The following ANKRD18A variants were observed in gnomAD, a reference collection of about 807,000 sequenced individuals.
ANKRD18A encodes the protein ankyrin repeat domain 18A, also known as ankyrin repeat domain-containing protein 18A.
In ANKRD18A, 72 loss-of-function variants were observed where a neutral mutation model predicts 110.6. The ratio of observed to expected loss-of-function variants is 0.65; its 90% CI spans 0.54 to 0.79. The LOEUF (loss-of-function observed/expected upper bound fraction) is 0.79. Ranked by LOEUF, ANKRD18A falls within the 30% of genes least tolerant of loss-of-function variation. The pLI is 0.00. For missense variants in ANKRD18A, 934 were observed against 1,163.3 expected, an observed-to-expected ratio of 0.80 and a Z score of 2.87; for synonymous variants, 305 against 410.3, an observed-to-expected ratio of 0.74 and a Z score of 3.10.
At chr9:38,617,634 T>C (rs1478958450) in intron 1 of ANKRD18A, among the ~76,000 whole-genome samples, 1 of 152,216 alleles carries the variant, frequency 6.6e-6, no homozygotes, top group East Asian at 1.9e-4. Flanking sequence ...TATCTCTTAT[T>C]GTTTTCTACC....
downstream of ANKRD18A, chr9:38,569,588 AG>A (rs972008319): frequency 3.5e-6 from 1 of 288,702 alleles, no homozygotes; most frequent in African/African-American, 2.3e-5. Context: ...TTGGGTCAAG[AG>A]GGCCCAGAGT....
chr9:38,609,940 C>CAAA (rs1312973805), intron 5 of ANKRD18A, among the ~76,000 whole-genome samples: 1 of 91,106 alleles, frequency 1.1e-5, no homozygotes. Context: ...GACCTTGTCT[C>CAAA]AAAAAAAAAA....
intron 6 of ANKRD18A, among the ~76,000 whole-genome samples, chr9:38,605,321 T>C (rs1340330240): frequency 1.3e-5 from 2 of 152,236 alleles, no homozygotes; most frequent in Non-Finnish European, 2.9e-5. Context: ...TTAAAAACTC[T>C]GTTGAAAAAA....
intron 6 of ANKRD18A, among the ~76,000 whole-genome samples, chr9:38,606,556 C>G (rs1195512434): frequency 6.6e-6 from 1 of 152,152 alleles, no homozygotes; most frequent in Admixed American, 6.5e-5. Context: ...GCAACACATA[C>G]AAATACGTGT....
At chr9:38,596,435 A>T in intron 8 of ANKRD18A, 32 bp from the exon 9 acceptor site, 1 of 1,392,256 alleles carries the variant, frequency 7.2e-7, no homozygotes, top group Non-Finnish European at 9.4e-7. Context: ...TTTAGTTAGC[A>T]CTCAATAAAA....
chr9:38,602,722 G>T (rs1316501693), intron 7 of ANKRD18A, among the ~76,000 whole-genome samples: 2 of 152,210 alleles, frequency 1.3e-5, no homozygotes, highest in African/African-American at 4.8e-5. Flanking sequence ...CCAGGCTACA[G>T]TATAATGTTG....
intron 12 of ANKRD18A, among the ~76,000 whole-genome samples, chr9:38,582,215 G>A (rs1824194746): frequency 6.6e-6 from 1 of 152,088 alleles, no homozygotes; most frequent in African/African-American, 2.4e-5. Flanking sequence ...AGCAGATACT[G>A]CGACCAAAAT....
intron 15 of ANKRD18A, among the ~76,000 whole-genome samples, chr9:38,574,626 G>A (rs1173409969): frequency 6.6e-6 from 1 of 151,976 alleles, no homozygotes; most frequent in Non-Finnish European, 1.5e-5. Flanking sequence ...CAAGCACAAA[G>A]CTTTTAACAG....
Position 38,575,108 on chromosome 9 carries a change from A to G in ANKRD18A, c.2964+368T>C, listed in dbSNP as rs531069660. Among the ~76,000 whole-genome samples, 23 of 149,704 alleles carry G rather than the reference A, an allele frequency of 1.5e-4. No individual in the cohort carries two copies. The South Asian group carries it at 4.9e-3, about 32-fold the overall frequency. On this transcript the variant is annotated intron_variant, in intron 15 of 15. Transcript: ENST00000399703. ...GACACCATCTCAAAAAAAAAAAAAA[A>G]GTGATATGAACCACAGACAAACTAC...
At chr9:38,577,747 C>A in intron 13 of ANKRD18A, 120 bp downstream of exon 13, 1 of 1,161,164 alleles carries the variant, frequency 8.6e-7, no homozygotes, top group Non-Finnish European at 1.1e-6. Context: ...TAGAACTCTA[C>A]GAAGGAAATT....
chr9:38,620,045 G>GC (rs1252378459), intron 1 of ANKRD18A, 35 bp downstream of exon 1: 5 of 1,547,156 alleles, frequency 3.2e-6, no homozygotes, highest in Non-Finnish European at 2.6e-6. Flanking sequence ...CGGGCCTGCG[G>GC]CCCCCTCCCA....
At chr9:38,592,046 C>G (rs751955996) in intron 10 of ANKRD18A, among the ~76,000 whole-genome samples, 110 of 152,286 alleles carry the variant, frequency 7.2e-4, no homozygotes, top group Non-Finnish European at 1.4e-3. Flanking sequence ...ACAGTTTTGG[C>G]TACATAGTGA....
chr9:38,569,414 G>A (rs1216446117), downstream of ANKRD18A: 1 of 985,254 alleles, frequency 1.0e-6, no homozygotes. Context: ...AGTCCGATCA[G>A]TCAGCTGTGT....
intron 10 of ANKRD18A, among the ~76,000 whole-genome samples, chr9:38,592,033 A>G (rs1824672553): frequency 6.6e-6 from 1 of 152,234 alleles, no homozygotes; most frequent in Non-Finnish European, 1.5e-5. Flanking sequence ...ACCATCCAGA[A>G]ATACAGTTTT....
chr9:38,595,136 T>C (rs9408300), intron 9 of ANKRD18A, among the ~76,000 whole-genome samples: 2,858 of 152,286 alleles, frequency 0.019, 80 homozygotes, highest in African/African-American at 0.065. Flanking sequence ...TGTTGAAATA[T>C]GATTTATAGA....
chr9:38,587,574 A>T (rs187819970), intron 11 of ANKRD18A, among the ~76,000 whole-genome samples: 23 of 152,338 alleles, frequency 1.5e-4, no homozygotes, highest in South Asian at 4.1e-4. Flanking sequence ...AAAGAAAAAC[A>T]AAGAAGCAGA....
intron 12 of ANKRD18A, among the ~76,000 whole-genome samples, chr9:38,582,773 T>C (rs1195001904): frequency 1.3e-5 from 2 of 152,244 alleles, no homozygotes; most frequent in Non-Finnish European, 2.9e-5. Flanking sequence ...TGACTGCATT[T>C]GGCAGTGTTT....
chr9:38,616,324 G>T (rs1825854110), intron 1 of ANKRD18A, among the ~76,000 whole-genome samples: 1 of 152,188 alleles, frequency 6.6e-6, no homozygotes, highest in Non-Finnish European at 1.5e-5. Context: ...TAGCCTTTCT[G>T]TGCCTGAATT....
chr9:38,576,568 A>G (rs1254796967), intron 14 of ANKRD18A, among the ~76,000 whole-genome samples: 2 of 152,168 alleles, frequency 1.3e-5, no homozygotes, highest in African/African-American at 4.8e-5. Flanking sequence ...TTCTTGAGGC[A>G]CCCTCTAGTG....
Sources: gnomAD v4.1 joint callset for allele counts (sites outside exome capture counted in the v4.1 genomes callset) on GRCh38, gnomAD v4.1.1 for gene constraint, MANE v1.5 for transcripts, NCBI Gene and HGNC (gene_info 2026-07-23, HGNC 2026-07-21) for gene names.